Variants in ADARB2 observed in about 807,000 individuals in gnomAD.
The protein encoded by ADARB2 is adenosine deaminase RNA specific B2 (inactive).
ADARB2 carries 25 observed loss-of-function variants against 62.2 expected under a neutral mutation model. The observed-to-expected ratio is 0.40, with a 90% CI of 0.29 to 0.56. The LOEUF (loss-of-function observed/expected upper bound fraction) is 0.56, where lower values mean the gene tolerates loss of function less well. Ranked by LOEUF, ADARB2 falls within the 20% of genes least tolerant of loss-of-function variation. The probability of loss-of-function intolerance (pLI) is 0.43; values close to 1 mark genes in which losing one functional copy is unlikely to be tolerated. For missense variants in ADARB2, 1,071 were observed against 1,077.4 expected (o/e 0.99, Z 0.08); for synonymous variants, 572 against 500.8 (o/e 1.14, Z -1.90).
intron 1 of ADARB2, among the ~76,000 whole-genome samples, chr10:1,405,374 A>G (rs1454741465): frequency 6.6e-6 from 1 of 152,184 alleles, no homozygotes; most frequent in Non-Finnish European, 1.5e-5. Context: ...GCGCCTCCAC[A>G]AAATGAGAGA....
At chr10:1,274,619 G>C (rs1831296577) in intron 3 of ADARB2, among the ~76,000 whole-genome samples, 1 of 152,228 alleles carries the variant, frequency 6.6e-6, no homozygotes. Flanking sequence ...TGCAAACACA[G>C]ATTTCACTGT....
intron 1 of ADARB2, among the ~76,000 whole-genome samples, chr10:1,585,718 C>T (rs1318927453): frequency 6.6e-6 from 1 of 152,226 alleles, no homozygotes; most frequent in Non-Finnish European, 1.5e-5. Context: ...TGATTGATGT[C>T]TCAGGTCTCC....
chr10:1,233,128 G>A lies in ADARB2; in HGVS notation c.1513+566C>T, dbSNP rs138423696. Among the ~76,000 whole-genome samples the A allele has an allele frequency of 6.7e-4, 102 of 152,190 alleles. 2 individuals carry two copies. The East Asian group carries it at 0.019, about 28-fold the overall frequency. ...GCCCTGCCCTCCGACCCTGGCAATC[G>A]CAGCATCACTGCCCTTTGCTGATGG... On this transcript the variant is annotated intron_variant, in intron 6 of 9. Coordinates refer to ENST00000381312, the MANE Select transcript of ADARB2 (RefSeq NM_018702.4).
rs180708290 is a variant in ADARB2, at chr10:1,549,766, G to A, written c.101-170606C>T. On this transcript the variant is annotated intron_variant, in intron 1 of 9. Coordinates refer to ENST00000381312, the MANE Select transcript of ADARB2 (RefSeq NM_018702.4). The stretch of plus-strand genomic sequence containing the variant: ...CAGGAGATATCACAGGGTGCCCAGC[G>A]GGACAACCCGATCCCTGTTCAAGCG... Among the ~76,000 whole-genome samples, 774 of 152,208 alleles carry A rather than the reference G, an allele frequency of 5.1e-3. 9 individuals are homozygous for A. Among genetic ancestry groups the A allele is most frequent in the African/African-American group, 0.018 (734 of 41,544 alleles).
intron 6 of ADARB2, among the ~76,000 whole-genome samples, chr10:1,227,594 T>C (rs1157906837): frequency 2.0e-5 from 3 of 152,118 alleles, no homozygotes; most frequent in Admixed American, 2.0e-4. Flanking sequence ...CTTTAGAAAA[T>C]TGTTCAAGTG....
At chr10:1,254,744 G>T (rs1482441440) in intron 4 of ADARB2, among the ~76,000 whole-genome samples, 1 of 152,224 alleles carries the variant, frequency 6.6e-6, no homozygotes. Context: ...CTTTGGTTTG[G>T]CAATTTGAAA....
At chr10:1,510,110 C>CTCTTTCTTTCTTTCTTTCTTTCTTCTT (rs1831909194) in intron 1 of ADARB2, among the ~76,000 whole-genome samples, 39 of 106,252 alleles carry the variant, frequency 3.7e-4, no homozygotes, top group African/African-American at 1.1e-3. Flanking sequence ...CTTTCTTTCT[C>CTCTTTCTTTCTTTCTTTCTTTCTTCTT]TCTTTCTTTC....
At chr10:1,360,950 TCACATGAGTGGGA>T (rs1340087853) in intron 3 of ADARB2, 1 of 152,162 alleles carries the variant, frequency 6.6e-6, no homozygotes, top group East Asian at 1.9e-4. Context: ...TCTTCACATT[TCACATGAGTGGGA>T]CGCAGGAGGG....
intron 1 of ADARB2, among the ~76,000 whole-genome samples, chr10:1,414,538 C>A (rs973770846): frequency 1.6e-4 from 24 of 152,216 alleles, no homozygotes; most frequent in African/African-American, 5.8e-4. Context: ...TCTCCATTAT[C>A]TCAGGTAGCA....
chr10:1,720,154 G>T (rs1835072181), intron 1 of ADARB2, among the ~76,000 whole-genome samples: 1 of 152,164 alleles, frequency 6.6e-6, no homozygotes, highest in African/African-American at 2.4e-5. Flanking sequence ...ATTGGATAAA[G>T]AAAATGAGGT....
intron 1 of ADARB2, among the ~76,000 whole-genome samples, chr10:1,393,041 G>T (rs1482652984): frequency 6.6e-6 from 1 of 152,194 alleles, no homozygotes; most frequent in African/African-American, 2.4e-5. Context: ...TGAGCCTCTG[G>T]CAGTGACAGG....
At chr10:1,608,691 AAGT>A (rs2132019217) in intron 1 of ADARB2, among the ~76,000 whole-genome samples, 1 of 150,378 alleles carries the variant, frequency 6.6e-6, no homozygotes, top group East Asian at 2.0e-4. Flanking sequence ...GAGGAGGAAA[AAGT>A]AAGAAAGAAA....
At chr10:1,534,137 G>T (rs910407415) in intron 1 of ADARB2, among the ~76,000 whole-genome samples, 4 of 137,058 alleles carry the variant, frequency 2.9e-5, no homozygotes, top group Admixed American at 2.2e-4. Flanking sequence ...CATTGAAATA[G>T]TTTTTTTTTT....
chr10:1,559,374 A>T (rs1330525713), intron 1 of ADARB2, among the ~76,000 whole-genome samples: 1 of 152,098 alleles, frequency 6.6e-6, no homozygotes, highest in African/African-American at 2.4e-5. Flanking sequence ...GTGAGGTCGG[A>T]GTCTCTCTAA....
In ADARB2 at chr10:1,196,139, C is replaced by T. The variant is rs373224790; in HGVS notation, c.1864+3827G>A. 1.8e-4 allele frequency among the ~76,000 whole-genome samples: 27 copies of T among 152,134 alleles called. No individual in the cohort carries two copies. The East Asian group carries it at 2.9e-3, about 16-fold the overall frequency. On this transcript the variant is annotated intron_variant, in intron 8 of 9. Coordinates refer to ENST00000381312, the MANE Select transcript of ADARB2 (RefSeq NM_018702.4). Reference sequence around the variant, plus strand: ...CCTCTAGGACTCTGCGCAGTGTCACCGCCACACTGAGAGTGCTCCTGATCC... The same window carrying T: ...CCTCTAGGACTCTGCGCAGTGTCACTGCCACACTGAGAGTGCTCCTGATCC...
rs57536419 is a variant in ADARB2, at chr10:1,633,549, CATCTATCTATCTATCT to C, written c.100+103486_100+103501del. On this transcript the variant is annotated intron_variant, in intron 1 of 9. Coordinates refer to ENST00000381312, the MANE Select transcript of ADARB2 (RefSeq NM_018702.4). ...TCTGTCTGTCTGTCTGTCTATCTAT[CATCTATCTATCTATCT>C]ATCTATCTATCTATCTATCTATCTA... Among the ~76,000 whole-genome samples, 454 of 101,704 alleles carry C rather than the reference CATCTATCTATCTATCT, an allele frequency of 4.5e-3. 2 individuals are homozygous for C. The highest frequency in any genetic ancestry group is 0.011 in the East Asian group (37 of 3,304). 66.7% of individuals were successfully genotyped at this position (101,704 alleles called of 152,430 possible). A position where few individuals can be genotyped will look rare whatever the true frequency, so the allele number is the denominator to read the frequency against.
chr10:1,452,261 G>T (rs948105636), intron 1 of ADARB2, among the ~76,000 whole-genome samples: 1 of 152,154 alleles, frequency 6.6e-6, no homozygotes, highest in African/African-American at 2.4e-5. Flanking sequence ...GTCAACTGTC[G>T]CACATGTAAA....
chr10:1,717,074 CTGA>C (rs1312231784), intron 1 of ADARB2, among the ~76,000 whole-genome samples: 11 of 148,458 alleles, frequency 7.4e-5, no homozygotes. Flanking sequence ...ACATGTTATT[CTGA>C]TCACATGTTA....
chr10:1,381,147 GAC>G (rs550028858), intron 1 of ADARB2, among the ~76,000 whole-genome samples: 73 of 145,432 alleles, frequency 5.0e-4, no homozygotes, highest in African/African-American at 1.7e-3. Flanking sequence ...TATTGTGTGG[GAC>G]ACACACATAT....
Sources: allele counts gnomAD v4.1 joint callset (sites outside exome capture counted in the v4.1 genomes callset), GRCh38; gene constraint gnomAD v4.1.1; transcripts MANE v1.5; gene names NCBI Gene and HGNC (gene_info 2026-07-23, HGNC 2026-07-21).